The following CORO7 variants were observed in gnomAD, a reference collection of about 807,000 sequenced individuals.
CORO7 encodes coronin-7.
Under a neutral mutation model 126.6 loss-of-function variants are expected in CORO7, and 107 were observed. That is an observed-to-expected ratio of 0.85 (90% CI 0.72 to 0.99). CORO7 has a LOEUF of 0.99. Ranked by LOEUF, CORO7 falls within the 50% of genes least tolerant of loss-of-function variation. The pLI is 0.00. For synonymous variants in CORO7, 603 were observed against 536.8 expected, an observed-to-expected ratio of 1.12 and a Z score of -1.70; for missense variants, 1,314 against 1,255.8, an observed-to-expected ratio of 1.05 and a Z score of -0.70.
rs1280181074 is a variant in CORO7, at chr16:4,355,163, C to T, written c.2773G>A (p.Asp925Asn). ...GGAGGTGACGGGGGCGCAGGCTAGT[C>T]CTGGGGCGAAACACCAAGAGGTGGG... ...SFEGVDEDEW[D>N] Residue 925 changes from aspartate (D) to asparagine (N), a missense_variant and splice_region_variant, in exon 28 of 28, where the codon GAC becomes AAC. Coordinates refer to ENST00000251166, the MANE Select transcript of CORO7 (RefSeq NM_024535.5). 6.5e-7 allele frequency: 1 copy of T among 1,533,224 alleles called. No individual in the cohort carries two copies. Among genetic ancestry groups the T allele is most frequent in the Non-Finnish European group, 8.8e-7 (1 of 1,135,994 alleles). The allele number at this position is 1,533,224 out of a possible 1,614,324, so 95.0% of individuals were successfully genotyped here.
chr16:4,356,805 CAG>C (rs1306675414), intron 26 of CORO7: 4 of 260,610 alleles, frequency 1.5e-5, no homozygotes, highest in Admixed American at 5.0e-5. Flanking sequence ...AAAGAAGAGA[CAG>C]GGGGAGTAAG....
intron 9 of CORO7, among the ~76,000 whole-genome samples, chr16:4,369,901 C>A (rs2054468132): frequency 6.6e-6 from 1 of 152,040 alleles, no homozygotes; most frequent in Non-Finnish European, 1.5e-5. Flanking sequence ...TAACCAGGTT[C>A]TAAAGGCGGG....
chr16:4,388,950 C>T (rs2055292426), intron 7 of CORO7, among the ~76,000 whole-genome samples: 1 of 152,214 alleles, frequency 6.6e-6, no homozygotes, highest in African/African-American at 2.4e-5. Flanking sequence ...CCCTGCTGCG[C>T]CAGGGGCTAA....
At chr16:4,363,648 G>C (rs2054256279) in intron 14 of CORO7, among the ~76,000 whole-genome samples, 1 of 151,726 alleles carries the variant, frequency 6.6e-6, no homozygotes, top group Non-Finnish European at 1.5e-5. Flanking sequence ...GGAGGCGGAG[G>C]TTGCAGTGAG....
chr16:4,360,658 T>A, intron 19 of CORO7, 110 bp from the exon 20 acceptor site: 1 of 1,342,246 alleles, frequency 7.5e-7, no homozygotes, highest in Non-Finnish European at 1.0e-6. Context: ...TCACTGCTGT[T>A]CCCGCCTCTC....
chr16:4,364,451 G>C, intron 13 of CORO7, 38 bp from the exon 14 acceptor site: 6 of 1,484,626 alleles, frequency 4.0e-6, no homozygotes, highest in Non-Finnish European at 5.4e-6. Context: ...GGGGGCATGG[G>C]CTGCCCGGTC....
chr16:4,376,188 C>T (rs184654212), intron 9 of CORO7, among the ~76,000 whole-genome samples: 69 of 152,336 alleles, frequency 4.5e-4, no homozygotes, highest in African/African-American at 1.3e-3. Context: ...ACCTCTCTGC[C>T]CTGCCCTTGG....
chr16:4,371,687 C>A (rs756471751), intron 9 of CORO7, among the ~76,000 whole-genome samples: 9 of 152,256 alleles, frequency 5.9e-5, no homozygotes, highest in Non-Finnish European at 1.3e-4. Context: ...GGTCAGGTGG[C>A]CGCAGGGTGA....
At chr16:4,380,920 C>T in intron 9 of CORO7, 1 of 1,573,568 alleles carries the variant, frequency 6.4e-7, no homozygotes, top group South Asian at 1.1e-5. Flanking sequence ...GCTCCTGCTA[C>T]TGGCCCTGGG....
chr16:4,380,966 G>A, intron 9 of CORO7: 7 of 1,604,076 alleles, frequency 4.4e-6, no homozygotes, highest in Non-Finnish European at 5.9e-6. Flanking sequence ...GGCTGCCAGT[G>A]CAGCCAGCCA....
At chr16:4,382,227 G>A in intron 9 of CORO7, 1 of 1,605,432 alleles carries the variant, frequency 6.2e-7, no homozygotes, top group Non-Finnish European at 8.5e-7. Context: ...AGGGGACACG[G>A]CCCAGCCCTA....
At chr16:4,369,239 A>G (rs2141208814) in intron 9 of CORO7, among the ~76,000 whole-genome samples, 1 of 152,384 alleles carries the variant, frequency 6.6e-6, no homozygotes, top group South Asian at 2.1e-4. Flanking sequence ...CTGCCGTGGC[A>G]CGGGCCAAGA....
intron 6 of CORO7, among the ~76,000 whole-genome samples, chr16:4,403,554 G>A (rs1042678832): frequency 1.3e-5 from 2 of 152,138 alleles, no homozygotes; most frequent in African/African-American, 4.8e-5. Context: ...TTTAAGCTCT[G>A]GGTTTAGCGG....
rs776748488 is a variant in CORO7 at position 4,381,534 on chromosome 16, C to T, written c.785+6452G>A. ...TCTTCAGCCGCTTGCGCAACCTCCACGACCTGGATGTGTCCGACAACCAGC... is the reference window on the plus strand; with the variant it reads ...TCTTCAGCCGCTTGCGCAACCTCCATGACCTGGATGTGTCCGACAACCAGC... On this transcript the variant is annotated intron_variant, in intron 9 of 27. Coordinates refer to ENST00000251166, the MANE Select transcript of CORO7 (RefSeq NM_024535.5). 13 of 1,603,674 alleles carry T rather than the reference C, an allele frequency of 8.1e-6. No homozygotes were observed. In the East Asian group the frequency reaches 1.1e-4, roughly 14 times the overall value.
chr16:4,376,975 C>T (rs1001863497), intron 9 of CORO7, among the ~76,000 whole-genome samples: 4 of 152,158 alleles, frequency 2.6e-5, no homozygotes, highest in South Asian at 2.1e-4. Context: ...GAATGTTTAC[C>T]GACCACTTGG....
intron 26 of CORO7, 56 bp from the exon 27 acceptor site, chr16:4,355,428 T>G: frequency 6.5e-7 from 1 of 1,539,872 alleles, no homozygotes; most frequent in Non-Finnish European, 8.8e-7. Flanking sequence ...CTGTTCCCTC[T>G]CCCACTCCAA....
intron 26 of CORO7, among the ~76,000 whole-genome samples, chr16:4,356,172 C>G (rs1418353982): frequency 6.6e-6 from 1 of 151,780 alleles, no homozygotes; most frequent in Non-Finnish European, 1.5e-5. Flanking sequence ...AGGCTGGTGT[C>G]GAACTCCCAA....
At chr16:4,389,840 C>T (rs948530166) in intron 7 of CORO7, among the ~76,000 whole-genome samples, 2 of 152,206 alleles carry the variant, frequency 1.3e-5, no homozygotes, top group Non-Finnish European at 2.9e-5. Context: ...GTGCAGCCCA[C>T]CAGGTGGCTC....
chr16:4,398,658 T>G (rs1209208504), intron 6 of CORO7, among the ~76,000 whole-genome samples: 1 of 131,184 alleles, frequency 7.6e-6, no homozygotes, highest in African/African-American at 3.0e-5. Flanking sequence ...AGAGCAAGAC[T>G]CCATCTGAAA....
Sources: gnomAD v4.1 joint callset for allele counts (sites outside exome capture counted in the v4.1 genomes callset) on GRCh38, gnomAD v4.1.1 for gene constraint, MANE v1.5 for transcripts, NCBI Gene and HGNC (gene_info 2026-07-23, HGNC 2026-07-21) for gene names.